The following KIF16B variants were observed in gnomAD, a reference collection of about 807,000 sequenced individuals.
KIF16B encodes kinesin family member 16B.
In KIF16B, 98 loss-of-function variants were observed where a neutral mutation model predicts 156.3. That is an observed-to-expected ratio of 0.63 (90% CI 0.53 to 0.74). The LOEUF (loss-of-function observed/expected upper bound fraction) is 0.74, where lower values mean the gene tolerates loss of function less well. KIF16B is among the 30% of genes least tolerant of loss of function. KIF16B has a pLI of 0.00. For synonymous variants in KIF16B, 564 were observed against 583.7 expected (o/e 0.97, Z 0.49); for missense variants, 1,421 against 1,606.5 (o/e 0.88, Z 1.97).
Position 16,349,186 on chromosome 20 carries a change from G to A in KIF16B, c.3621+7144C>T, listed in dbSNP as rs943337837. On this transcript the variant is annotated intron_variant, in intron 23 of 25. Transcript: ENST00000354981. ...GTCCTTTTAAGCACATAGTAAGTAC[G>A]AAAGGCTGAGATGACAGAGAGGGGA... Among the ~76,000 whole-genome samples, 8 of 152,198 alleles carry A rather than the reference G, an allele frequency of 5.3e-5. No homozygotes were observed. In the South Asian group the frequency reaches 8.3e-4, roughly 16 times the overall value.
intron 10 of KIF16B, among the ~76,000 whole-genome samples, chr20:16,500,217 T>TA (rs2068578700): frequency 6.6e-6 from 1 of 152,208 alleles, no homozygotes; most frequent in Non-Finnish European, 1.5e-5. Context: ...TCACTATTCT[T>TA]AAAATCTGCA....
intron 19 of KIF16B, among the ~76,000 whole-genome samples, chr20:16,375,461 C>A (rs2064924730): frequency 6.6e-6 from 1 of 152,182 alleles, no homozygotes; most frequent in Non-Finnish European, 1.5e-5. Flanking sequence ...AAATGGATCA[C>A]AGGGTCATGA....
Position 16,370,598 on chromosome 20 carries a change from T to C in KIF16B, c.3486A>G (p.Lys1162=), listed in dbSNP as rs929607172. 9 of 1,579,684 alleles carry C rather than the reference T, an allele frequency of 5.7e-6. No homozygotes were observed. Among genetic ancestry groups the C allele is most frequent in the Non-Finnish European group, 6.8e-6 (8 of 1,169,844 alleles). Residue 1162 remains lysine (K), a synonymous_variant, in exon 22 of 26, where the codon AAA becomes AAG. Coordinates refer to ENST00000354981, the MANE Select transcript of KIF16B (RefSeq NM_024704.5). ...AATCATTACCTACCTCATATTTTAG[T>C]TTACGTTGAATGGTGCCATTGTGAA... ...EKLHNGTIQR[K]LKYERMVSRS...
intron 23 of KIF16B, among the ~76,000 whole-genome samples, chr20:16,342,927 G>C (rs182168441): frequency 1.3e-5 from 2 of 152,276 alleles, no homozygotes; most frequent in East Asian, 3.9e-4. Context: ...TCTGCTCATG[G>C]GAAGCTTGAG....
At chr20:16,410,964 G>A (rs1297036028) in intron 15 of KIF16B, among the ~76,000 whole-genome samples, 2 of 151,762 alleles carry the variant, frequency 1.3e-5, no homozygotes, top group African/African-American at 2.4e-5. Flanking sequence ...ATGCCAAAAC[G>A]GTGATGTTTC....
chr20:16,370,075 A>T (rs909424947), intron 22 of KIF16B, among the ~76,000 whole-genome samples: 1 of 152,190 alleles, frequency 6.6e-6, no homozygotes, highest in Non-Finnish European at 1.5e-5. Context: ...TTGATTTTTT[A>T]AAATTTAGGA....
At chr20:16,537,704 G>GTTTTTTTTTTTTTTTTTTTTTTTTCTT (rs1171475559) in intron 1 of KIF16B, among the ~76,000 whole-genome samples, 1 of 101,540 alleles carries the variant, frequency 9.8e-6, no homozygotes, top group Non-Finnish European at 1.9e-5. Flanking sequence ...TCTTTTTTTC[G>GTTTTTTTTTTTTTTTTTTTTTTTTCTT]TTTTTTTTTT....
At chr20:16,351,722 A>T (rs1014905601) in intron 23 of KIF16B, among the ~76,000 whole-genome samples, 3 of 152,334 alleles carry the variant, frequency 2.0e-5, no homozygotes, top group African/African-American at 7.2e-5. Context: ...CGGATGTGCT[A>T]CTAGGACCCG....
chr20:16,505,899 T>A (rs1445609267), intron 8 of KIF16B, 46 bp from the exon 9 acceptor site: 3 of 1,604,434 alleles, frequency 1.9e-6, no homozygotes, highest in Admixed American at 1.7e-5. Context: ...ATTAGTAAAA[T>A]TTTTTTTCCT....
intron 15 of KIF16B, among the ~76,000 whole-genome samples, chr20:16,409,686 T>C (rs890724084): frequency 6.6e-6 from 1 of 151,534 alleles, no homozygotes; most frequent in African/African-American, 2.4e-5. Context: ...AAAATCAATA[T>C]GATTTGATGA....
At chr20:16,368,299 C>A (rs1023972262) in intron 22 of KIF16B, 2 of 997,834 alleles carry the variant, frequency 2.0e-6, no homozygotes, top group Non-Finnish European at 2.4e-6. Context: ...GACAGAGGCC[C>A]GGTAAGGCGC....
chr20:16,387,957 G>A (rs2065267911), intron 17 of KIF16B, among the ~76,000 whole-genome samples: 1 of 152,196 alleles, frequency 6.6e-6, no homozygotes, highest in African/African-American at 2.4e-5. Flanking sequence ...AGGTAGTACT[G>A]TAAAGTACTG....
At chr20:16,356,246 T>C in intron 23 of KIF16B, 84 bp downstream of exon 23, 1 of 1,533,110 alleles carries the variant, frequency 6.5e-7, no homozygotes. Context: ...TGCAGCTTCA[T>C]CCCCCTTTTG....
intron 23 of KIF16B, among the ~76,000 whole-genome samples, chr20:16,349,640 T>C (rs1215020478): frequency 1.3e-5 from 2 of 152,166 alleles, no homozygotes; most frequent in Non-Finnish European, 2.9e-5. Context: ...AAACCCCATA[T>C]CCTCCACCAC....
chr20:16,431,861 GTA>G (rs201104430), intron 12 of KIF16B, among the ~76,000 whole-genome samples: 6 of 142,562 alleles, frequency 4.2e-5, no homozygotes, highest in Admixed American at 7.1e-5. Context: ...CTATTAGTGT[GTA>G]TATATATATA....
In KIF16B at chr20:16,554,381, A is replaced by G. The variant is rs368925400; in HGVS notation, c.47+18848T>C. 1.1e-4 allele frequency among the ~76,000 whole-genome samples: 16 copies of G among 152,020 alleles called. No homozygotes were observed. In the East Asian group the frequency reaches 3.1e-3, roughly 30 times the overall value. On this transcript the variant is annotated intron_variant, in intron 1 of 25. Transcript: ENST00000354981. The stretch of plus-strand genomic sequence containing the variant: ...CTCTGCTGAGAGCTGAACATTCAAC[A>G]GATGACCTGCCTGCAGAGTGGAGCT...
chr20:16,470,166 T>C (rs1333240530), intron 12 of KIF16B, among the ~76,000 whole-genome samples: 2 of 152,180 alleles, frequency 1.3e-5, no homozygotes, highest in Non-Finnish European at 2.9e-5. Flanking sequence ...GGATCAGTGA[T>C]TGCCAGGAAT....
chr20:16,523,921 G>A (rs995996090), intron 3 of KIF16B, among the ~76,000 whole-genome samples: 13 of 152,140 alleles, frequency 8.5e-5, no homozygotes, highest in Non-Finnish European at 1.8e-4. Flanking sequence ...ACAAGCAATG[G>A]GGAAAGGATT....
intron 6 of KIF16B, 117 bp from the exon 7 acceptor site, chr20:16,508,217 C>CACCCTAGAGAGACAAGTGAGG: frequency 1.7e-6 from 2 of 1,154,470 alleles, no homozygotes; most frequent in Non-Finnish European, 2.5e-6. Flanking sequence ...GTCTGAAGAC[C>CACCCTAGAGAGACAAGTGAGG]TCACTTGTCT....
Sources: gnomAD v4.1 joint callset for allele counts (sites outside exome capture counted in the v4.1 genomes callset) on GRCh38, gnomAD v4.1.1 for gene constraint, MANE v1.5 for transcripts, NCBI Gene and HGNC (gene_info 2026-07-23, HGNC 2026-07-21) for gene names.